Variants in TRIM9 observed in about 807,000 individuals in gnomAD.
The protein encoded by TRIM9 is tripartite motif containing 9, also known as E3 ubiquitin-protein ligase TRIM9.
Under a neutral mutation model 78.3 loss-of-function variants are expected in TRIM9, and 26 were observed. The ratio of observed to expected loss-of-function variants is 0.33; its 90% CI spans 0.24 to 0.46. TRIM9 has a LOEUF of 0.46. Among genes scored for constraint, TRIM9 ranks in the 20% least tolerant of loss-of-function variants. The probability of loss-of-function intolerance (pLI) is 1.00; values close to 1 mark genes in which losing one functional copy is unlikely to be tolerated. For missense variants in TRIM9, 787 were observed against 1,036.4 expected, an observed-to-expected ratio of 0.76 and a Z score of 3.30; for synonymous variants, 398 against 416.5, an observed-to-expected ratio of 0.96 and a Z score of 0.54.
At chr14:50,981,358 G>A (rs943030502) in intron 11 of TRIM9, among the ~76,000 whole-genome samples, 6 of 152,118 alleles carry the variant, frequency 3.9e-5, no homozygotes, top group African/African-American at 1.4e-4. Flanking sequence ...CCAATGTAAG[G>A]CATTTTCACA....
intron 1 of TRIM9, among the ~76,000 whole-genome samples, chr14:51,045,158 T>TGAGCTGGC (rs1445380274): frequency 6.6e-6 from 1 of 152,192 alleles, no homozygotes; most frequent in African/African-American, 2.4e-5. Flanking sequence ...GCTCAGCTGG[T>TGAGCTGGC]GAGCTGGCGT....
At chr14:51,056,429 G>A (rs1016293196) in intron 1 of TRIM9, among the ~76,000 whole-genome samples, 1 of 152,072 alleles carries the variant, frequency 6.6e-6, no homozygotes, top group African/African-American at 2.4e-5. Flanking sequence ...AACAAAATAA[G>A]CAAATTTATC....
chr14:51,070,106 C>G (rs1156643130), intron 1 of TRIM9, among the ~76,000 whole-genome samples: 1 of 152,086 alleles, frequency 6.6e-6, no homozygotes, highest in Non-Finnish European at 1.5e-5. Context: ...CATTTTGGTG[C>G]TTTTTGGTGG....
At chr14:51,030,807 T>C (rs2058660925) in intron 1 of TRIM9, among the ~76,000 whole-genome samples, 2 of 151,938 alleles carry the variant, frequency 1.3e-5, no homozygotes, top group South Asian at 4.2e-4. Flanking sequence ...ATCTTATGGG[T>C]AGGGATTTGC....
chr14:51,092,551 C>T (rs112810369), intron 1 of TRIM9, among the ~76,000 whole-genome samples: 1,577 of 152,294 alleles, frequency 0.01, 12 homozygotes, highest in South Asian at 0.049. Context: ...TTCACTGCTC[C>T]ATCTCATCCT....
At chr14:50,979,246 T>C (rs1470857413) in intron 12 of TRIM9, 141 bp downstream of exon 12, 2 of 1,521,678 alleles carry the variant, frequency 1.3e-6, no homozygotes, top group South Asian at 2.5e-5. Flanking sequence ...TGCTGATCCC[T>C]TTCTCTCCTC....
At position 50,981,790 on chromosome 14, in the gene TRIM9, T is replaced by C. The variant is rs2051953777; in HGVS notation, c.2162+10A>G. 6.2e-7 allele frequency: 1 copy of C among 1,613,264 alleles called. No homozygotes were observed. Among genetic ancestry groups the C allele is most frequent in the Non-Finnish European group, 8.5e-7 (1 of 1,179,322 alleles). The stretch of plus-strand genomic sequence containing the variant: ...CGTGAAGAAGGCTTGGTTTGGGGGC[T>C]GCAGGGTACCTGTTGGTGTGCGAGT... On this transcript the variant is annotated intron_variant, in intron 11 of 12. Coordinates refer to ENST00000684578, the MANE Select transcript of TRIM9 (RefSeq NM_001387360.1).
chr14:51,021,171 T>C (rs1339542074), intron 3 of TRIM9, among the ~76,000 whole-genome samples: 1 of 152,164 alleles, frequency 6.6e-6, no homozygotes, highest in African/African-American at 2.4e-5. Flanking sequence ...ATAGTGACAG[T>C]TTTTTAGCAA....
intron 12 of TRIM9, 49 bp from the exon 13 acceptor site, chr14:50,977,402 C>A: frequency 7.2e-7 from 1 of 1,396,974 alleles, no homozygotes; most frequent in South Asian, 1.7e-5. Flanking sequence ...ATCCCCCTGT[C>A]CCTTTACACA....
intron 5 of TRIM9, among the ~76,000 whole-genome samples, chr14:51,008,587 A>G (rs766896966): frequency 5.9e-5 from 9 of 152,310 alleles, no homozygotes; most frequent in Non-Finnish European, 1.2e-4. Context: ...TAAAGTTTAT[A>G]TCAAATTTCC....
intron 6 of TRIM9, 89 bp downstream of exon 6, chr14:51,000,594 T>TGGGGAAGCCAGCCCTGAGACTC: frequency 6.5e-7 from 1 of 1,548,672 alleles, no homozygotes. Context: ...CCAGGAGAGA[T>TGGGGAAGCCAGCCCTGAGACTC]GGGGAAGCCA....
intron 5 of TRIM9, among the ~76,000 whole-genome samples, chr14:51,006,792 C>T (rs969021864): frequency 6.6e-6 from 1 of 151,970 alleles, no homozygotes; most frequent in African/African-American, 2.4e-5. Context: ...GCGTTTTGGC[C>T]CTGAGAATAC....
intron 1 of TRIM9, among the ~76,000 whole-genome samples, chr14:51,077,425 C>T (rs1339254389): frequency 8.6e-6 from 1 of 115,616 alleles, no homozygotes; most frequent in Non-Finnish European, 1.6e-5. Flanking sequence ...CAGTGTCTTG[C>T]TCTGTTGTCC....
At chr14:51,067,189 C>A (rs1332513953) in intron 1 of TRIM9, among the ~76,000 whole-genome samples, 2 of 152,160 alleles carry the variant, frequency 1.3e-5, no homozygotes, top group African/African-American at 4.8e-5. Flanking sequence ...CCCCAGTATT[C>A]TTCATCTTAA....
At chr14:51,093,112 C>A (rs551252497) in intron 1 of TRIM9, among the ~76,000 whole-genome samples, 1 of 151,868 alleles carries the variant, frequency 6.6e-6, no homozygotes, top group East Asian at 1.9e-4. Flanking sequence ...GTCGAAGGGG[C>A]CAAAATGGAA....
chr14:51,057,416 G>A (rs1004186155), intron 1 of TRIM9, among the ~76,000 whole-genome samples: 16 of 152,058 alleles, frequency 1.1e-4, no homozygotes, highest in Non-Finnish European at 2.4e-4. Flanking sequence ...GTAATATTAT[G>A]TCCTCTTGTA....
rs1244057500 is a variant in TRIM9 at position 51,094,664 on chromosome 14, G to A, written c.276C>T (p.Cys92=). The part of the protein sequence containing the change: ...GGFASAPTTP[C]QKSPNGVRVF... ...CGCGGACGCCGTTGGGGGACTTCTG[G>A]CACGGGGTAGTGGGGGCGCTGGCGA... is the stretch of plus-strand genomic sequence containing the variant. Residue 92 remains cysteine, a synonymous_variant, in exon 1 of 13, where the codon TGC becomes TGT. Transcript: ENST00000684578. 3 of 1,595,010 alleles carry A rather than the reference G, an allele frequency of 1.9e-6. No individual in the cohort carries two copies. The highest frequency in any genetic ancestry group is 2.6e-6 in the Non-Finnish European group (3 of 1,169,548).
chr14:51,019,675 T>C (rs1353443036), intron 3 of TRIM9, among the ~76,000 whole-genome samples: 1 of 152,178 alleles, frequency 6.6e-6, no homozygotes, highest in Non-Finnish European at 1.5e-5. Context: ...TCTCTCTCAA[T>C]CACAACAATA....
chr14:50,982,666 A>G (rs2052115283), intron 10 of TRIM9: 1 of 463,418 alleles, frequency 2.2e-6, no homozygotes, highest in Admixed American at 3.6e-5. Flanking sequence ...TGTGACTTGC[A>G]TGTAGGACAG....
Sources: gnomAD v4.1 joint callset for allele counts (sites outside exome capture counted in the v4.1 genomes callset) on GRCh38, gnomAD v4.1.1 for gene constraint, MANE v1.5 for transcripts, NCBI Gene and HGNC (gene_info 2026-07-23, HGNC 2026-07-21) for gene names.